Variants in MED13 observed in about 807,000 individuals in gnomAD.
The protein encoded by MED13 is mediator of RNA polymerase II transcription subunit 13.
A neutral mutation model predicts 225.2 loss-of-function variants in MED13; 23 were observed. The ratio of observed to expected loss-of-function variants is 0.10; its 90% CI spans 0.07 to 0.14. The LOEUF (loss-of-function observed/expected upper bound fraction) is 0.14, where lower values mean the gene tolerates loss of function less well. Ranked by LOEUF, MED13 falls within the 10% of genes least tolerant of loss-of-function variation. The pLI, the probability that MED13 is intolerant of heterozygous loss-of-function variation, is 1.00. For missense variants in MED13, 2,197 were observed against 2,594.5 expected (o/e 0.85, Z 3.33); for synonymous variants, 942 against 889.2 (o/e 1.06, Z -1.06).
intron 16 of MED13, among the ~76,000 whole-genome samples, chr17:61,978,302 G>A (rs2080174158): frequency 6.6e-6 from 1 of 152,044 alleles, no homozygotes; most frequent in Admixed American, 6.6e-5. Flanking sequence ...CTGGGCTGGA[G>A]TACAATGGCA....
At chr17:61,991,854 C>T (rs1022125969) in intron 11 of MED13, among the ~76,000 whole-genome samples, 16 of 152,080 alleles carry the variant, frequency 1.1e-4, no homozygotes, top group African/African-American at 3.9e-4. Context: ...CCATGTTGGA[C>T]AGGCTGGTCT....
chr17:62,050,510 A>G (rs893819896), intron 3 of MED13, among the ~76,000 whole-genome samples: 1 of 152,198 alleles, frequency 6.6e-6, no homozygotes, highest in African/African-American at 2.4e-5. Context: ...AAAAAAAAAA[A>G]AAGTCCACTA....
At chr17:61,968,413 C>T (rs1476456699) in intron 17 of MED13, among the ~76,000 whole-genome samples, 155 bp from the exon 18 acceptor site, 1 of 151,386 alleles carries the variant, frequency 6.6e-6, no homozygotes, top group Admixed American at 6.6e-5. Context: ...GCAAGCTCCG[C>T]CTCCCGCGTT....
At chr17:62,064,433 A>AC (rs2081064918) in intron 1 of MED13, among the ~76,000 whole-genome samples, 1 of 152,218 alleles carries the variant, frequency 6.6e-6, no homozygotes, top group Non-Finnish European at 1.5e-5. Context: ...CAACCAAAAC[A>AC]CAATAAATAT....
intron 21 of MED13, among the ~76,000 whole-genome samples, chr17:61,962,301 C>A (rs535128559): frequency 1.6e-4 from 24 of 152,114 alleles, no homozygotes; most frequent in South Asian, 4.2e-4. Flanking sequence ...AAAACAACAA[C>A]AAAAAACTGT....
At chr17:62,056,766 A>G (rs1438540902) in intron 2 of MED13, among the ~76,000 whole-genome samples, 1 of 152,164 alleles carries the variant, frequency 6.6e-6, no homozygotes, top group Non-Finnish European at 1.5e-5. Flanking sequence ...CCTACAAAAA[A>G]AAGAAAAAAA....
intron 23 of MED13, among the ~76,000 whole-genome samples, chr17:61,959,518 G>A (rs1225138159): frequency 4.0e-5 from 6 of 151,700 alleles, no homozygotes; most frequent in Admixed American, 6.6e-5. Flanking sequence ...AATAAGATAC[G>A]AAGCACTGTT....
chr17:62,039,878 C>T (rs773193266), intron 3 of MED13, among the ~76,000 whole-genome samples: 17 of 152,014 alleles, frequency 1.1e-4, no homozygotes, highest in Admixed American at 4.6e-4. Context: ...GAATTACAGG[C>T]GTGAGCCACT....
rs761395830 is a variant in MED13, at chr17:61,962,869, G to A, written c.4947C>T (p.Tyr1649=). ...IVVYIIDPFT[Y]ENTDESTNSS... is the part of the protein sequence containing the mutation. ...AGTTAGTGCTCTCGTCTGTATTTTCGTATGTAAAAGGATCAATTATATAAA... is the reference window on the plus strand; with the variant it reads ...AGTTAGTGCTCTCGTCTGTATTTTCATATGTAAAAGGATCAATTATATAAA... The change falls in exon 21 of 30, where the codon TAC becomes TAT. Residue 1649 remains tyrosine, a synonymous_variant. Transcript: ENST00000397786. 1.8e-5 allele frequency: 29 copies of A among 1,613,948 alleles called. No homozygotes were observed. The highest frequency in any genetic ancestry group is 9.9e-5 in the South Asian group (9 of 91,080).
intron 18 of MED13, 93 bp downstream of exon 18, chr17:61,967,942 T>C: frequency 2.2e-6 from 2 of 896,546 alleles, no homozygotes; most frequent in Non-Finnish European, 3.5e-6. Flanking sequence ...ATCATCACTG[T>C]GTCCCAATCA....
At chr17:62,002,069 C>G (rs1215546801) in intron 9 of MED13, among the ~76,000 whole-genome samples, 2 of 152,056 alleles carry the variant, frequency 1.3e-5, no homozygotes, top group African/African-American at 4.8e-5. Context: ...AGAAATTCAC[C>G]AATTTACTAA....
chr17:62,011,020 G>T lies in MED13; in HGVS notation c.1497C>A (p.Ile499=), dbSNP rs530333821. 9.6e-5 allele frequency: 155 copies of T among 1,614,156 alleles called. 2 individuals are homozygous for T. In the South Asian group the frequency reaches 1.5e-3, roughly 16 times the overall value. ...ATCTCACTTGACTGTCTGGAGCAGA[G>T]ATCACAAGTCTTTGGCTGGCTGAAT... The part of the protein sequence containing the change: ...DADSASQRLV[I]SAPDSQVRFS... Residue 499 remains isoleucine (I), a synonymous_variant, in exon 9 of 30, where the codon ATC becomes ATA. Coordinates refer to ENST00000397786, the MANE Select transcript of MED13 (RefSeq NM_005121.3).
chr17:61,955,120 C>T (rs562533080), intron 26 of MED13, among the ~76,000 whole-genome samples: 225 of 152,166 alleles, frequency 1.5e-3, no homozygotes, highest in African/African-American at 5.2e-3. Flanking sequence ...ACTTTGCTTC[C>T]CACTGTTTCC....
At chr17:62,048,037 C>CATATATATATATAT (rs1555644418) in intron 3 of MED13, among the ~76,000 whole-genome samples, 2 of 121,356 alleles carry the variant, frequency 1.6e-5, no homozygotes, top group African/African-American at 6.5e-5. Context: ...TATACATATA[C>CATATATATATATAT]ATATACATAT....
chr17:62,037,215 T>C (rs1438352959), intron 3 of MED13, among the ~76,000 whole-genome samples: 1 of 151,838 alleles, frequency 6.6e-6, no homozygotes, highest in Admixed American at 6.6e-5. Context: ...ATCACACCAC[T>C]GCATTACAGC....
intron 4 of MED13, among the ~76,000 whole-genome samples, chr17:62,034,615 G>A (rs1455591753): frequency 2.6e-5 from 4 of 151,924 alleles, no homozygotes; most frequent in African/African-American, 9.7e-5. Flanking sequence ...AAAGCAATCT[G>A]AGGAAAAACA....
chr17:61,970,303 A>G (rs933867051), intron 17 of MED13, among the ~76,000 whole-genome samples: 7 of 152,322 alleles, frequency 4.6e-5, no homozygotes, highest in African/African-American at 1.4e-4. Context: ...ATAATGGGAA[A>G]TAACCATTTT....
intron 28 of MED13, among the ~76,000 whole-genome samples, chr17:61,949,756 C>T (rs1219749968): frequency 1.3e-5 from 2 of 152,082 alleles, no homozygotes; most frequent in Non-Finnish European, 2.9e-5. Flanking sequence ...GGCGCGATCT[C>T]GGCTCACTGC....
chr17:61,989,169 C>A (rs1222320900), intron 11 of MED13, among the ~76,000 whole-genome samples: 4 of 151,970 alleles, frequency 2.6e-5, no homozygotes, highest in Admixed American at 2.6e-4. Context: ...TGCCACCACA[C>A]CCGGCTGATT....
Sources: allele counts gnomAD v4.1 joint callset (sites outside exome capture counted in the v4.1 genomes callset), GRCh38; gene constraint gnomAD v4.1.1; transcripts MANE v1.5; gene names NCBI Gene and HGNC (gene_info 2026-07-23, HGNC 2026-07-21).